GAL3ST1: variants seen among roughly 807,000 people sequenced by gnomAD.
The protein encoded by GAL3ST1 is galactosylceramide sulfotransferase.
Under a neutral mutation model 25.0 loss-of-function variants are expected in GAL3ST1, and 13 were observed. That is an observed-to-expected ratio of 0.52 (90% CI 0.34 to 0.83). GAL3ST1 has a LOEUF of 0.83. Ranked by LOEUF, GAL3ST1 falls within the 40% of genes least tolerant of loss-of-function variation. The pLI, the probability that GAL3ST1 is intolerant of heterozygous loss-of-function variation, is 0.02. For missense variants in GAL3ST1, 474 were observed against 613.6 expected, an observed-to-expected ratio of 0.77 and a Z score of 2.40; for synonymous variants, 274 against 277.8, an observed-to-expected ratio of 0.99 and a Z score of 0.14.
Position 30,555,279 on chromosome 22 carries a change from A to T in GAL3ST1, c.946T>A (p.Trp316Arg). 6.2e-7 allele frequency: 1 copy of T among 1,603,184 alleles called. No individual in the cohort carries two copies. Among genetic ancestry groups the T allele is most frequent in the Non-Finnish European group, 8.5e-7 (1 of 1,176,500 alleles). ...HLYRHFNASF[W>R]RKVEAFGRER... ...CGCCCGAAGGCCTCCACCTTGCGCC[A>T]GAAGCTGGCGTTGAAGTGGCGGTAG... The change falls in exon 4 of 4, where the codon TGG becomes AGG. Residue 316 changes from tryptophan to arginine, a missense_variant. Trp to Arg is a moderately radical substitution (Grantham distance 101, BLOSUM62 -3). This residue lies in a region of GAL3ST1 where 359 missense variants were observed against 504.4 expected (regional missense o/e 0.71). Transcript: ENST00000406361. This position sits in a 1 kb window ranked among gnomAD's most constrained non-coding sequence, Gnocchi z 8.6.
At chr22:30,568,309 CTA>C (rs1426508531) in intron 1 of GAL3ST1, among the ~76,000 whole-genome samples, 1 of 152,218 alleles carries the variant, frequency 6.6e-6, no homozygotes, top group Non-Finnish European at 1.5e-5. Context: ...CACAGCTAGA[CTA>C]TATTTCCCAT....
At chr22:30,561,799 T>C (rs1194851756) in intron 1 of GAL3ST1, among the ~76,000 whole-genome samples, 2 of 152,128 alleles carry the variant, frequency 1.3e-5, no homozygotes, top group African/African-American at 4.8e-5. Flanking sequence ...GTCCCTCCCG[T>C]GCCAGCCACC....
Position 30,555,254 on chromosome 22 carries a change from C to A in GAL3ST1, c.971G>T (p.Arg324Leu), listed in dbSNP as rs375449237. 1.3e-6 allele frequency: 2 copies of A among 1,599,552 alleles called. No homozygotes were observed. The highest frequency in any genetic ancestry group is 8.5e-7 in the Non-Finnish European group (1 of 1,175,784). Residue 324 changes from arginine to leucine, a missense_variant, in exon 4 of 4, where the codon CGG becomes CTG. This residue lies in a region of GAL3ST1 where 359 missense variants were observed against 504.4 expected (regional missense o/e 0.71). Coordinates refer to ENST00000406361, the MANE Select transcript of GAL3ST1 (RefSeq NM_001318104.2). The surrounding 1 kb of genome is among the most constrained non-coding windows in gnomAD (Gnocchi z 8.6). Reference protein sequence around the residue: ...SFWRKVEAFGRERMAREVAAL... With the variant: ...SFWRKVEAFGLERMAREVAAL... ...GGCCACCTCGCGGGCCATGCGCTCC[C>A]GCCCGAAGGCCTCCACCTTGCGCCA...
intron 1 of GAL3ST1, among the ~76,000 whole-genome samples, chr22:30,561,721 TCC>T (rs1395594411): frequency 6.6e-6 from 1 of 151,842 alleles, no homozygotes; most frequent in African/African-American, 2.4e-5. Flanking sequence ...CACAGCAGGG[TCC>T]CGTCTCTGTG....
intron 1 of GAL3ST1, chr22:30,572,568 G>A (rs2146443230): frequency 6.6e-6 from 1 of 152,356 alleles, no homozygotes; most frequent in Middle Eastern, 3.4e-3. Context: ...ACCTGGTAGG[G>A]GAAGCGGGCT....
rs184611351 is a variant in GAL3ST1, at chr22:30,567,013, G to A, written c.-120+7453C>T. Among the ~76,000 whole-genome samples, 471 of 152,132 alleles carry A rather than the reference G, an allele frequency of 3.1e-3. 2 individuals carry two copies. The highest frequency in any genetic ancestry group is 0.017 in the Middle Eastern group (5 of 294). On this transcript the variant is annotated intron_variant, in intron 1 of 3. Coordinates refer to ENST00000406361, the MANE Select transcript of GAL3ST1 (RefSeq NM_001318104.2). The stretch of plus-strand genomic sequence containing the variant: ...ACTCTGTTGCCCAGGCTGGAGTGTA[G>A]TGGCAAGATCTTGGCTCACTGCAAC...
At chr22:30,557,227 C>G (rs756605361) in intron 3 of GAL3ST1, 35 bp downstream of exon 3, 6 of 1,611,406 alleles carry the variant, frequency 3.7e-6, no homozygotes, top group Non-Finnish European at 5.1e-6. Context: ...CCCTCCCCCA[C>G]CTACACCCAT....
At chr22:30,559,344 G>A (rs1369835942) in intron 1 of GAL3ST1, among the ~76,000 whole-genome samples, 1 of 151,898 alleles carries the variant, frequency 6.6e-6, no homozygotes, top group Non-Finnish European at 1.5e-5. Context: ...CGGTTCAAGC[G>A]ATTCTCCTGC....
At chr22:30,561,795 C>T (rs1601956084) in intron 1 of GAL3ST1, among the ~76,000 whole-genome samples, 2 of 152,130 alleles carry the variant, frequency 1.3e-5, no homozygotes, top group East Asian at 3.9e-4. Context: ...GTCCGTCCCT[C>T]CCGTGCCAGC....
intron 1 of GAL3ST1, among the ~76,000 whole-genome samples, chr22:30,574,221 TG>T (rs1337976112): frequency 6.6e-6 from 1 of 151,858 alleles, no homozygotes; most frequent in Non-Finnish European, 1.5e-5. Context: ...GAAGGGGGGT[TG>T]GGGGACAGGG....
chr22:30,557,619 G>A, intron 2 of GAL3ST1: 3 of 480,220 alleles, frequency 6.2e-6, no homozygotes, highest in Non-Finnish European at 1.1e-5. Flanking sequence ...GCAACTCAAA[G>A]AGAGGTTGGG....
chr22:30,555,520 C>G lies in GAL3ST1; in HGVS notation c.705G>C (p.Val235=). The change falls in exon 4 of 4, where the codon GTG becomes GTC. Residue 235 remains valine (V), a synonymous_variant. Coordinates refer to ENST00000406361, the MANE Select transcript of GAL3ST1 (RefSeq NM_001318104.2). This position sits in a 1 kb window ranked among gnomAD's most constrained non-coding sequence, Gnocchi z 8.6. The part of the protein sequence containing the change: ...DNSLDPSSPQ[V]QEHILEVERR... ...GCTCCACCTCCAGGATGTGCTCCTG[C>G]ACCTGCGGGCTGCTGGGGTCCAGGC... 6.2e-7 allele frequency: 1 copy of G among 1,613,712 alleles called. No individual in the cohort carries two copies. Among genetic ancestry groups the G allele is most frequent in the Non-Finnish European group, 8.5e-7 (1 of 1,179,998 alleles).
intron 1 of GAL3ST1, among the ~76,000 whole-genome samples, chr22:30,569,821 G>A (rs1034913352): frequency 2.6e-5 from 4 of 152,188 alleles, no homozygotes; most frequent in Non-Finnish European, 5.9e-5. Context: ...GCACGGTGGC[G>A]TGCGCCACCC....
chr22:30,557,311 G>A lies in GAL3ST1; in HGVS notation c.82C>T (p.Leu28=). 1 of 1,614,222 alleles carries A rather than the reference G, an allele frequency of 6.2e-7. No homozygotes were observed. Among genetic ancestry groups the A allele is most frequent in the South Asian group, 1.1e-5 (1 of 91,082 alleles). ...GGGGGCACGGCATAGGAGTACACCA[G>A]CAGCAGGAAACTAGTGAAGAGCGCG... ...LGALFTSFLL[L]VYSYAVPPLH... Residue 28 remains leucine (L), a synonymous_variant, in exon 3 of 4, where the codon CTG becomes TTG. Coordinates refer to ENST00000406361, the MANE Select transcript of GAL3ST1 (RefSeq NM_001318104.2).
intron 1 of GAL3ST1, among the ~76,000 whole-genome samples, chr22:30,565,917 T>C (rs1569008473): frequency 1.3e-5 from 2 of 152,182 alleles, no homozygotes; most frequent in African/African-American, 2.4e-5. Flanking sequence ...GGTGTCACCA[T>C]TTAGGGACCC....
intron 1 of GAL3ST1, among the ~76,000 whole-genome samples, chr22:30,568,419 G>A (rs549672730): frequency 3.4e-4 from 52 of 152,350 alleles, no homozygotes; most frequent in Non-Finnish European, 6.9e-4. Flanking sequence ...GACCTTTTCT[G>A]TGGTCTCCTT....
chr22:30,558,610 A>G (rs1367945992), intron 1 of GAL3ST1, among the ~76,000 whole-genome samples: 1 of 152,100 alleles, frequency 6.6e-6, no homozygotes, highest in Non-Finnish European at 1.5e-5. Context: ...GTAAGAGCCC[A>G]GGGCTCTTCT....
chr22:30,564,299 C>A (rs898042426), intron 1 of GAL3ST1, among the ~76,000 whole-genome samples: 1 of 152,238 alleles, frequency 6.6e-6, no homozygotes, highest in Admixed American at 6.5e-5. Flanking sequence ...TGCCCACTGG[C>A]CCACGATGGA....
At chr22:30,559,506 TAG>T (rs912896912) in intron 1 of GAL3ST1, among the ~76,000 whole-genome samples, 12 of 152,188 alleles carry the variant, frequency 7.9e-5, no homozygotes, top group African/African-American at 2.4e-4. Context: ...CCCAAAGTGC[TAG>T]AGTTACAGGC....
Sources: gnomAD v4.1 joint callset for allele counts (sites outside exome capture counted in the v4.1 genomes callset) on GRCh38, gnomAD v4.1.1 for gene constraint, gnomAD v4.1.1 regional missense constraint, Gnocchi (gnomAD v3.1) non-coding constraint, MANE v1.5 for transcripts, NCBI Gene and HGNC (gene_info 2026-07-23, HGNC 2026-07-21) for gene names.